NSMAF: variants seen among roughly 807,000 people sequenced by gnomAD.
The protein encoded by NSMAF is neutral sphingomyelinase activation associated factor.
Under a neutral mutation model 134.9 loss-of-function variants are expected in NSMAF, and 90 were observed. That is an observed-to-expected ratio of 0.67 (90% confidence interval 0.56 to 0.79). The LOEUF is 0.79. Among genes scored for constraint, NSMAF ranks in the 30% least tolerant of loss-of-function variants. The pLI, the probability that NSMAF is intolerant of heterozygous loss-of-function variation, is 0.00. For synonymous variants in NSMAF, 358 were observed against 389.6 expected (o/e 0.92, Z 0.96); for missense variants, 1,010 against 1,119.0 (o/e 0.90, Z 1.39).
At chr8:58,591,481 CTTTTTTTTTTTTT>C (rs1018380152) in intron 23 of NSMAF, among the ~76,000 whole-genome samples, 28 of 94,486 alleles carry the variant, frequency 3.0e-4, no homozygotes, top group African/African-American at 1.4e-3. Context: ...AGAAACCTTC[CTTTTTTTTTTTTT>C]TTTTTTTTTT....
At chr8:58,615,999 T>C (rs1806644859) in intron 9 of NSMAF, among the ~76,000 whole-genome samples, 1 of 152,154 alleles carries the variant, frequency 6.6e-6, no homozygotes, top group Admixed American at 6.5e-5. Context: ...GCTGCTGGCA[T>C]TAAAAGGACA....
intron 9 of NSMAF, among the ~76,000 whole-genome samples, chr8:58,620,017 G>A (rs1453003533): frequency 2.6e-5 from 4 of 152,282 alleles, no homozygotes; most frequent in South Asian, 2.1e-4. Context: ...AGATACAGAC[G>A]AATCGCCTAA....
intron 20 of NSMAF, 86 bp downstream of exon 20, chr8:58,597,774 C>T (rs190061677): frequency 7.4e-6 from 8 of 1,074,700 alleles, no homozygotes; most frequent in African/African-American, 4.8e-5. Flanking sequence ...ATTTCCATAC[C>T]TCAACCTTCA....
chr8:58,616,116 G>A (rs2129143295), intron 9 of NSMAF, among the ~76,000 whole-genome samples: 1 of 152,252 alleles, frequency 6.6e-6, no homozygotes, highest in Middle Eastern at 3.4e-3. Flanking sequence ...AAATGCAACA[G>A]TCCTATGTCT....
intron 9 of NSMAF, 138 bp downstream of exon 9, chr8:58,623,082 C>A (rs946569788): frequency 2.9e-6 from 2 of 678,388 alleles, no homozygotes; most frequent in Non-Finnish European, 5.3e-6. Flanking sequence ...TTCTCCTGCA[C>A]TGAGGCTGAG....
chr8:58,599,174 A>G, intron 19 of NSMAF, 58 bp downstream of exon 19: 1 of 1,506,556 alleles, frequency 6.6e-7, no homozygotes, highest in Middle Eastern at 1.8e-4. Context: ...TCCAATGAAA[A>G]TGAATAATGC....
intron 9 of NSMAF, among the ~76,000 whole-genome samples, chr8:58,613,253 G>A (rs897763798): frequency 2.6e-5 from 4 of 152,078 alleles, no homozygotes; most frequent in African/African-American, 9.7e-5. Context: ...GATTTTTAAA[G>A]CACAAATAAG....
In NSMAF at chr8:58,623,252, A is replaced by G; in HGVS notation, c.525T>C (p.Ser175=). Residue 175 remains serine (S), a synonymous_variant, in exon 9 of 31, where the codon TCT becomes TCC. Transcript: ENST00000038176. ...QTAMITAILQ[S]RLARTSFDKN... is the part of the protein sequence containing the mutation. The stretch of plus-strand genomic sequence containing the variant: ...TGTCAAATGATGTTCTAGCTAAACG[A>G]GACTGCAAAATAGCTGTTATCTATT... 1 of 1,610,876 alleles carries G rather than the reference A, an allele frequency of 6.2e-7. No homozygotes were observed. Among genetic ancestry groups the G allele is most frequent in the South Asian group, 1.1e-5 (1 of 90,910 alleles).
rs145150387 is a variant in NSMAF, at chr8:58,637,373, C to A, written c.150-1827G>T. 2.3e-4 allele frequency: 104 copies of A among 456,212 alleles called. No homozygotes were observed. In the East Asian group the frequency reaches 3.5e-3, roughly 15 times the overall value. 28.3% of individuals were successfully genotyped at this position (456,212 alleles called of 1,614,324 possible). On this transcript the variant is annotated intron_variant, in intron 2 of 30. Transcript: ENST00000038176. ...ACCAGATTCTTGGTGCTGATTGCAACTGAGTTATTTCTAGGCCTTTTCAAA... is the reference window on the plus strand; with the variant it reads ...ACCAGATTCTTGGTGCTGATTGCAAATGAGTTATTTCTAGGCCTTTTCAAA...
chr8:58,606,037 T>C lies in NSMAF; in HGVS notation c.760-2A>G, dbSNP rs1268470665. ...TTCTGTGCAAAATACTTCCAAGCCC[T>C]ATAAATTCAAAAAGAAAATAATAAA... On this transcript the variant is annotated splice_acceptor_variant, in intron 11 of 30. Coordinates refer to ENST00000038176, the MANE Select transcript of NSMAF (RefSeq NM_003580.4). LOFTEE classifies it high-confidence loss of function. The C allele has an allele frequency of 6.7e-7, 1 of 1,490,308 alleles. No homozygotes were observed. The highest frequency in any genetic ancestry group is 9.1e-7 in the Non-Finnish European group (1 of 1,099,424). The allele number at this position is 1,490,308 out of a possible 1,614,324, so 92.3% of individuals were successfully genotyped here.
intron 9 of NSMAF, among the ~76,000 whole-genome samples, chr8:58,612,411 C>T (rs1185059240): frequency 2.6e-5 from 4 of 152,148 alleles, no homozygotes; most frequent in African/African-American, 4.8e-5. Context: ...CACTCAGGAC[C>T]CTTCCTTCCA....
intron 1 of NSMAF, among the ~76,000 whole-genome samples, chr8:58,645,655 T>C (rs1337136680): frequency 6.6e-6 from 1 of 151,728 alleles, no homozygotes; most frequent in Non-Finnish European, 1.5e-5. Context: ...CTAAACACAA[T>C]GCAGAGAACA....
intron 1 of NSMAF, among the ~76,000 whole-genome samples, chr8:58,647,803 A>G (rs1241261559): frequency 1.3e-5 from 2 of 152,176 alleles, no homozygotes; most frequent in African/African-American, 2.4e-5. Flanking sequence ...GCCTCTTTCC[A>G]TTGTAAATTA....
chr8:58,612,314 T>A (rs1488478699), intron 9 of NSMAF, among the ~76,000 whole-genome samples: 1 of 152,120 alleles, frequency 6.6e-6, no homozygotes, highest in African/African-American at 2.4e-5. Context: ...CCCTAAACTA[T>A]GAGGCTGGGA....
chr8:58,600,684 AATT>A (rs997896848), intron 16 of NSMAF, among the ~76,000 whole-genome samples: 2 of 151,488 alleles, frequency 1.3e-5, no homozygotes, highest in African/African-American at 4.8e-5. Context: ...TTGCAAAAGG[AATT>A]ATTATTAGAT....
intron 6 of NSMAF, among the ~76,000 whole-genome samples, chr8:58,631,181 C>T (rs1290365820): frequency 1.3e-5 from 2 of 151,824 alleles, no homozygotes; most frequent in Non-Finnish European, 1.5e-5. Context: ...TTTTTAGTAA[C>T]GTACTGGTAA....
intron 1 of NSMAF, among the ~76,000 whole-genome samples, chr8:58,653,687 CTA>C (rs1398754790): frequency 1.3e-5 from 2 of 152,022 alleles, no homozygotes; most frequent in Non-Finnish European, 2.9e-5. Context: ...TTTTCAAAAT[CTA>C]TGAGTTGGAC....
At chr8:58,588,338 T>C (rs1290109374) in intron 26 of NSMAF, 7 of 754,362 alleles carry the variant, frequency 9.3e-6, no homozygotes, top group Non-Finnish European at 1.3e-5. Context: ...CATTTTCTTT[T>C]TTTTTTTTTT....
intron 14 of NSMAF, 22 bp downstream of exon 14, chr8:58,602,036 A>G (rs1288717947): frequency 6.3e-7 from 1 of 1,585,920 alleles, no homozygotes; most frequent in East Asian, 2.2e-5. Context: ...CTTAGAAACC[A>G]AGAATCTCTA....
Sources: allele counts gnomAD v4.1 joint callset (sites outside exome capture counted in the v4.1 genomes callset), GRCh38; gene constraint gnomAD v4.1.1; transcripts MANE v1.5; gene names NCBI Gene and HGNC (gene_info 2026-07-23, HGNC 2026-07-21).